Variants in APOA1 observed in about 807,000 individuals in gnomAD.
The protein encoded by APOA1 is apolipoprotein A-I.
A neutral mutation model predicts 25.9 loss-of-function variants in APOA1; 22 were observed. The ratio of observed to expected loss-of-function variants is 0.85; its 90% CI spans 0.61 to 1.21. APOA1 has a LOEUF of 1.21. Ranked by LOEUF, APOA1 falls within the 50% of genes most tolerant of loss-of-function variation. The probability of loss-of-function intolerance (pLI) is 0.00; values close to 1 mark genes in which losing one functional copy is unlikely to be tolerated. For missense variants in APOA1, 351 were observed against 347.9 expected, an observed-to-expected ratio of 1.01 and a Z score of -0.07; for synonymous variants, 163 against 152.2, an observed-to-expected ratio of 1.07 and a Z score of -0.52.
intron 3 of APOA1, 84 bp downstream of exon 3, chr11:116,836,917 G>A: frequency 6.9e-7 from 1 of 1,456,484 alleles, no homozygotes; most frequent in Non-Finnish European, 9.6e-7. Flanking sequence ...GATATTAGGT[G>A]AGGACTCGGC....
intron 3 of APOA1, 131 bp downstream of exon 3, chr11:116,836,870 T>G: frequency 9.2e-7 from 1 of 1,087,938 alleles, no homozygotes. Context: ...CCATTCCAGT[T>G]TCTCCATCCA....
chr11:116,836,542 C>T lies in APOA1; in HGVS notation c.201-131G>A, dbSNP rs1941554936. Reference sequence around the variant, plus strand: ...TTCCAGTACACTCTCAACCAACACCCCTGCCCCGCCAGGCCATGCCCCGTT... The same window carrying T: ...TTCCAGTACACTCTCAACCAACACCTCTGCCCCGCCAGGCCATGCCCCGTT... On this transcript the variant is annotated intron_variant, in intron 3 of 3. Transcript: ENST00000236850. The T allele has an allele frequency of 4.8e-6, 6 of 1,252,720 alleles. No individual in the cohort carries two copies. In the Admixed American group the frequency reaches 7.9e-5, roughly 16 times the overall value. The allele number at this position is 1,252,720 out of a possible 1,614,324, so 77.6% of individuals were successfully genotyped here. A position where few individuals can be genotyped will look rare whatever the true frequency, so the allele number is the denominator to read the frequency against.
At position 116,835,933 on chromosome 11, in the gene APOA1, G is replaced by T; in HGVS notation, c.679C>A (p.Leu227Ile). The change falls in exon 4 of 4, where the codon CTC (leucine) becomes ATC (isoleucine). Residue 227 changes from leucine (L) to isoleucine (I), a missense_variant. Leu to Ile is a conservative substitution (Grantham distance 5, BLOSUM62 2). Transcript: ENST00000236850. ...AGCGCGGGCTTGGCCTTCTCGCTGA[G>T]CGTGCTCAGATGCTCGGTGGCCTTG... ...HAKATEHLST[L>I]SEKAKPALED... 3 of 1,612,968 alleles carry T rather than the reference G, an allele frequency of 1.9e-6. No homozygotes were observed. In the South Asian group the frequency reaches 3.3e-5, roughly 18 times the overall value.
chr11:116,836,412 C>T lies in APOA1; in HGVS notation c.201-1G>A, dbSNP rs1386338165. 6.2e-7 allele frequency: 1 copy of T among 1,613,690 alleles called. No individual in the cohort carries two copies. The highest frequency in any genetic ancestry group is 1.1e-5 in the South Asian group (1 of 91,082). On this transcript the variant is annotated splice_acceptor_variant, in intron 3 of 3. Coordinates refer to ENST00000236850, the MANE Select transcript of APOA1 (RefSeq NM_000039.3). LOFTEE classifies it high-confidence loss of function. Reference sequence around the variant, plus strand: ...GTCCCAGTTGTCAAGGAGCTTTAGGCTGGAGGGTGAGACAGAAGGGTTGAG... The same window carrying T: ...GTCCCAGTTGTCAAGGAGCTTTAGGTTGGAGGGTGAGACAGAAGGGTTGAG...
In APOA1 at chr11:116,837,156, C is replaced by T. The variant is rs1941573861; in HGVS notation, c.45G>A (p.Gly15=). Residue 15 remains glycine (G), a splice_region_variant and synonymous_variant, in exon 3 of 4, where the codon GGG becomes GGA. Transcript: ENST00000236850. ...VLTLAVLFLT[G]SQARHFWQQD... Reference sequence around the variant, plus strand: ...GCTGCCAGAAATGCCGAGCCTGGCTCCCTGAGGGTGGGAGGGGAGACCCAG... The same window carrying T: ...GCTGCCAGAAATGCCGAGCCTGGCTTCCTGAGGGTGGGAGGGGAGACCCAG... 1 of 1,611,682 alleles carries T rather than the reference C, an allele frequency of 6.2e-7. No homozygotes were observed. Among genetic ancestry groups the T allele is most frequent in the African/African-American group, 1.3e-5 (1 of 75,016 alleles).
At position 116,836,165 on chromosome 11, in the gene APOA1, C is replaced by T. The variant is rs1941542293; in HGVS notation, c.447G>A (p.Glu149=). ...YRQKVEPLRA[E]LQEGARQKLH... Reference sequence around the variant, plus strand: ...GCTTCTGGCGCGCGCCCTCTTGGAGCTCTGCGCGCAGCGGCTCCACCTTCT... The same window carrying T: ...GCTTCTGGCGCGCGCCCTCTTGGAGTTCTGCGCGCAGCGGCTCCACCTTCT... The change falls in exon 4 of 4, where the codon GAG becomes GAA. Residue 149 remains glutamate, a synonymous_variant. Coordinates refer to ENST00000236850, the MANE Select transcript of APOA1 (RefSeq NM_000039.3). The T allele has an allele frequency of 6.2e-7, 1 of 1,613,614 alleles. No homozygotes were observed. The highest frequency in any genetic ancestry group is 8.5e-7 in the Non-Finnish European group (1 of 1,180,034).
chr11:116,835,991 C>G lies in APOA1; in HGVS notation c.621G>C (p.Glu207Asp). Reference sequence around the variant, plus strand: ...ACTCGGCCAGTCTGGCGCCGCCGTTCTCCTTGAGAGCCTCAAGGCGCGCGG... The same window carrying G: ...ACTCGGCCAGTCTGGCGCCGCCGTTGTCCTTGAGAGCCTCAAGGCGCGCGG... ...RLAARLEALK[E>D]NGGARLAEYH... The change falls in exon 4 of 4, where the codon GAG (glutamate) becomes GAC (aspartate). Residue 207 changes from glutamate to aspartate, a missense_variant. Coordinates refer to ENST00000236850, the MANE Select transcript of APOA1 (RefSeq NM_000039.3). The G allele has an allele frequency of 1.2e-5, 19 of 1,609,458 alleles. No individual in the cohort carries two copies. Among genetic ancestry groups the G allele is most frequent in the Non-Finnish European group, 1.5e-5 (18 of 1,179,880 alleles).
In APOA1 at chr11:116,837,305, GCC is replaced by G. The variant is rs761253595; in HGVS notation, c.43+38_43+39del. The G allele has an allele frequency of 1.6e-5, 26 of 1,580,136 alleles. No homozygotes were observed. The African/African-American group carries it at 3.5e-4, about 21-fold the overall frequency. ...TGGGCCACGGGGATTTAGGGAGAAA[GCC>G]CCCCGATGGTTGGCTCCCTAGGTTA... On this transcript the variant is annotated intron_variant, in intron 2 of 3. Transcript: ENST00000236850.
Position 116,835,943 on chromosome 11 carries a change from A to G in APOA1, c.669T>C (p.His223=). 6.2e-7 allele frequency: 1 copy of G among 1,612,600 alleles called. No individual in the cohort carries two copies. Among genetic ancestry groups the G allele is most frequent in the Non-Finnish European group, 8.5e-7 (1 of 1,179,924 alleles). ...LAEYHAKATE[H]LSTLSEKAKP... is the part of the protein sequence containing the mutation. Reference sequence around the variant, plus strand: ...TGGCCTTCTCGCTGAGCGTGCTCAGATGCTCGGTGGCCTTGGCGTGGTACT... The same window carrying G: ...TGGCCTTCTCGCTGAGCGTGCTCAGGTGCTCGGTGGCCTTGGCGTGGTACT... Residue 223 remains histidine, a synonymous_variant, in exon 4 of 4, where the codon CAT becomes CAC. Coordinates refer to ENST00000236850, the MANE Select transcript of APOA1 (RefSeq NM_000039.3).
chr11:116,836,968 A>G lies in APOA1; in HGVS notation c.200+33T>C, dbSNP rs2070665. ...ATCATCCCACAGGCCTCTGCCCCCT[A>G]CCCCTGCCCTCAACCCCAGGCTGGG... On this transcript the variant is annotated intron_variant, in intron 3 of 3. Transcript: ENST00000236850. 0.89 allele frequency: 1,439,113 copies of G among 1,612,302 alleles called. 647,000 individuals are homozygous for G. The highest frequency in any genetic ancestry group is 0.92 in the Non-Finnish European group (1,088,969 of 1,179,180).
Position 116,837,416 on chromosome 11 carries a change from G to A in APOA1, c.-20-9C>T, listed in dbSNP as rs1464606895. 3 of 1,553,602 alleles carry A rather than the reference G, an allele frequency of 1.9e-6. No individual in the cohort carries two copies. The highest frequency in any genetic ancestry group is 2.7e-5 in the African/African-American group (2 of 73,288). On this transcript the variant is annotated splice_polypyrimidine_tract_variant and intron_variant, in intron 1 of 3. Coordinates refer to ENST00000236850, the MANE Select transcript of APOA1 (RefSeq NM_000039.3). ...GAAGGGCCGTGGGGGACCTGGAGGA[G>A]AAGAAGGGCCTGGCTGAGTGGGGTG...
In APOA1 at chr11:116,836,203, C is replaced by A; in HGVS notation, c.409G>T (p.Glu137Ter). Residue 137 changes from glutamate to a stop codon, truncating the protein, a stop_gained, in exon 4 of 4, where the codon GAG becomes TAG. Transcript: ENST00000236850. LOFTEE classifies it high-confidence loss of function. ...GGCTCCACCTTCTGGCGGTAGAGCT[C>A]CATCTCCTCCTGCCACTTCTTCTGG... The part of the protein sequence containing the change: ...DFQKKWQEEM[E>*]LYRQKVEPLR... The A allele has an allele frequency of 6.2e-7, 1 of 1,613,872 alleles. No homozygotes were observed. The highest frequency in any genetic ancestry group is 8.5e-7 in the Non-Finnish European group (1 of 1,180,022).
chr11:116,836,465 CAG>C (rs1941553166), intron 3 of APOA1, 54 bp from the exon 4 acceptor site: 2 of 1,605,770 alleles, frequency 1.2e-6, no homozygotes, highest in East Asian at 2.2e-5. Context: ...CCCAGCCTAT[CAG>C]GGGTGAGCCC....
chr11:116,837,082 G>T lies in APOA1; in HGVS notation c.119C>A (p.Thr40Asn), dbSNP rs1591331280. The change falls in exon 3 of 4, where the codon ACT becomes AAT. Residue 40 changes from threonine to asparagine, a missense_variant. Physicochemically the swap from Thr to Asn is moderately conservative, Grantham distance 65. Transcript: ENST00000236850. ...GTCTTTGAGCACATCCACGTACACA[G>T]TGGCCAGGTCCTTCACTCGATCCCA... ...SPWDRVKDLA[T>N]VYVDVLKDSG... The T allele has an allele frequency of 6.2e-7, 1 of 1,614,022 alleles. No individual in the cohort carries two copies. The highest frequency in any genetic ancestry group is 1.7e-5 in the Admixed American group (1 of 60,008).
Position 116,836,960 on chromosome 11 carries a change from T to C in APOA1, c.200+41A>G, listed in dbSNP as rs1237025816. 12 of 1,609,542 alleles carry C rather than the reference T, an allele frequency of 7.5e-6. No homozygotes were observed. In the South Asian group the frequency reaches 1.3e-4, roughly 18 times the overall value. ...GCTTCAACATCATCCCACAGGCCTC[T>C]GCCCCCTACCCCTGCCCTCAACCCC... On this transcript the variant is annotated intron_variant, in intron 3 of 3. Transcript: ENST00000236850.
chr11:116,836,055 T>A lies in APOA1; in HGVS notation c.557A>T (p.His186Leu). ...CAGCTCGTCGCTGTAGGGGGCCAGA[T>A]GCGTGCGCAGCGCGTCCACATGGGC... ...ARAHVDALRT[H>L]LAPYSDELRQ... The change falls in exon 4 of 4, where the codon CAT (histidine) becomes CTT (leucine). Residue 186 changes from histidine to leucine, a missense_variant. Transcript: ENST00000236850. 4 of 1,605,414 alleles carry A rather than the reference T, an allele frequency of 2.5e-6. No homozygotes were observed. Among genetic ancestry groups the A allele is most frequent in the African/African-American group, 1.3e-5 (1 of 74,976 alleles).
rs113733249 is a variant in APOA1 at position 116,836,285 on chromosome 11, C to T, written c.327G>A (p.Glu109=). 7.7e-5 allele frequency: 124 copies of T among 1,614,232 alleles called. 1 individual carries two copies. The African/African-American group carries it at 1.1e-3, about 14-fold the overall frequency. Residue 109 remains glutamate (E), a synonymous_variant, in exon 4 of 4, where the codon GAG becomes GAA. Coordinates refer to ENST00000236850, the MANE Select transcript of APOA1 (RefSeq NM_000039.3). ...LEKETEGLRQ[E]MSKDLEEVKA... is the part of the protein sequence containing the mutation. ...TCACCTCCTCCAGATCCTTGCTCATCTCCTGCCTCAGGCCCTCTGTCTCCT... is the reference window on the plus strand; with the variant it reads ...TCACCTCCTCCAGATCCTTGCTCATTTCCTGCCTCAGGCCCTCTGTCTCCT...
At chr11:116,837,510 G>A (rs1941586407) in intron 1 of APOA1, 95 bp downstream of exon 1, 1 of 1,257,336 alleles carries the variant, frequency 8.0e-7, no homozygotes, top group Admixed American at 2.0e-5. Flanking sequence ...GCACAGAGCG[G>A]GAGAAGACCT....
rs756535387 is a variant in APOA1 at position 116,836,011 on chromosome 11, G to T, written c.601C>A (p.Arg201Ser). The change falls in exon 4 of 4, where the codon CGC becomes AGC. Residue 201 changes from arginine to serine, a missense_variant. Arg to Ser is a moderately radical substitution (Grantham distance 110). Transcript: ENST00000236850. ...CCGTTCTCCTTGAGAGCCTCAAGGCGCGCGGCCAAGCGCTGGCGCAGCTCG... is the reference window on the plus strand; with the variant it reads ...CCGTTCTCCTTGAGAGCCTCAAGGCTCGCGGCCAAGCGCTGGCGCAGCTCG... ...SDELRQRLAA[R>S]LEALKENGGA... 1.0e-5 allele frequency: 16 copies of T among 1,607,340 alleles called. No homozygotes were observed. Among genetic ancestry groups the T allele is most frequent in the Admixed American group, 3.3e-5 (2 of 59,982 alleles).
Sources: gnomAD v4.1 joint callset for allele counts on GRCh38, gnomAD v4.1.1 for gene constraint, MANE v1.5 for transcripts, NCBI Gene and HGNC (gene_info 2026-07-23, HGNC 2026-07-21) for gene names.